Variants in ADCY8 observed in about 807,000 individuals in gnomAD.
The protein encoded by ADCY8 is adenylate cyclase type 8.
In ADCY8, 51 loss-of-function variants were observed where a neutral mutation model predicts 119.7. That is an observed-to-expected ratio of 0.43 (90% CI 0.34 to 0.54). The LOEUF (loss-of-function observed/expected upper bound fraction) is 0.54, where lower values mean the gene tolerates loss of function less well. ADCY8 is among the 20% of genes least tolerant of loss of function. The pLI, the probability that ADCY8 is intolerant of heterozygous loss-of-function variation, is 0.03. For synonymous variants in ADCY8, 665 were observed against 651.0 expected, an observed-to-expected ratio of 1.02 and a Z score of -0.33; for missense variants, 1,383 against 1,598.8, an observed-to-expected ratio of 0.87 and a Z score of 2.30.
At position 130,999,013 on chromosome 8, in the gene ADCY8, G is replaced by A. The variant is rs931212180; in HGVS notation, c.961-8471C>T. Among the ~76,000 whole-genome samples the A allele has an allele frequency of 3.9e-5, 6 of 152,276 alleles. No individual in the cohort carries two copies. In the South Asian group the frequency reaches 1.0e-3, roughly 26 times the overall value. On this transcript the variant is annotated intron_variant, in intron 1 of 17. Coordinates refer to ENST00000286355, the MANE Select transcript of ADCY8 (RefSeq NM_001115.3). ...TGGCATGAAGAAATCTCTGAGTCATGTCAATGACCTGATGATCACGTATAA... is the reference window on the plus strand; with the variant it reads ...TGGCATGAAGAAATCTCTGAGTCATATCAATGACCTGATGATCACGTATAA...
At chr8:131,006,010 C>G (rs187743302) in intron 1 of ADCY8, among the ~76,000 whole-genome samples, 93 of 152,204 alleles carry the variant, frequency 6.1e-4, no homozygotes, top group African/African-American at 2.1e-3. Flanking sequence ...CCTGCTCCCA[C>G]TCCAAATTCT....
chr8:130,964,549 A>G (rs531666363), intron 2 of ADCY8, among the ~76,000 whole-genome samples: 17 of 152,370 alleles, frequency 1.1e-4, no homozygotes, highest in Non-Finnish European at 1.3e-4. Flanking sequence ...AGCAGCTAAA[A>G]CAATGACACT....
At chr8:130,868,086 A>G in intron 8 of ADCY8, 140 bp from the exon 9 acceptor site, 1 of 569,202 alleles carries the variant, frequency 1.8e-6, no homozygotes, top group Non-Finnish European at 3.0e-6. Context: ...ACCTTCACAG[A>G]GCATTATCCC....
intron 5 of ADCY8, among the ~76,000 whole-genome samples, chr8:130,924,759 G>A (rs1385007947): frequency 1.3e-5 from 2 of 152,084 alleles, no homozygotes; most frequent in Non-Finnish European, 2.9e-5. Flanking sequence ...TCTCATTGTT[G>A]CTCTAAACTA....
At chr8:130,835,527 C>T (rs1289378506) in intron 12 of ADCY8, among the ~76,000 whole-genome samples, 2 of 152,192 alleles carry the variant, frequency 1.3e-5, no homozygotes, top group African/African-American at 2.4e-5. Context: ...CTTTCACTGC[C>T]TTGGGGTTTC....
intron 4 of ADCY8, among the ~76,000 whole-genome samples, chr8:130,941,531 C>T (rs1309816627): frequency 6.6e-6 from 1 of 152,084 alleles, no homozygotes; most frequent in Non-Finnish European, 1.5e-5. Flanking sequence ...CTATGTGTAA[C>T]TGATACCAAC....
intron 1 of ADCY8, among the ~76,000 whole-genome samples, chr8:131,013,844 A>AT (rs1238852227): frequency 6.6e-6 from 1 of 152,124 alleles, no homozygotes; most frequent in African/African-American, 2.4e-5. Context: ...AAGTTGGAAC[A>AT]TTTTCCCAAG....
At chr8:130,984,911 T>G (rs892865433) in intron 2 of ADCY8, among the ~76,000 whole-genome samples, 82 of 152,122 alleles carry the variant, frequency 5.4e-4, no homozygotes, top group African/African-American at 1.9e-3. Context: ...ATGTTAGAGA[T>G]GCTGATGTGG....
At chr8:130,781,106 T>G (rs1815066235) in intron 17 of ADCY8, among the ~76,000 whole-genome samples, 1 of 152,156 alleles carries the variant, frequency 6.6e-6, no homozygotes, top group Admixed American at 6.5e-5. Flanking sequence ...AAGGCAGATT[T>G]AATGAGATAA....
chr8:130,870,255 G>T (rs370316114), intron 8 of ADCY8, among the ~76,000 whole-genome samples: 1 of 151,356 alleles, frequency 6.6e-6, no homozygotes, highest in African/African-American at 2.4e-5. Flanking sequence ...CTTGTGATCC[G>T]CCCACCTCGG....
chr8:131,027,484 G>A (rs1217218251), intron 1 of ADCY8, among the ~76,000 whole-genome samples: 1 of 152,226 alleles, frequency 6.6e-6, no homozygotes, highest in Non-Finnish European at 1.5e-5. Context: ...GGGTGGTTCA[G>A]CGGAGCATGG....
At position 131,040,376 on chromosome 8, in the gene ADCY8, C is replaced by G; in HGVS notation, c.-43G>C. The G allele has an allele frequency of 2.8e-6, 4 of 1,446,984 alleles. No individual in the cohort carries two copies. The South Asian group carries it at 4.7e-5, about 17-fold the overall frequency. The allele number at this position is 1,446,984 out of a possible 1,614,324, so 89.6% of individuals were successfully genotyped here. A position where few individuals can be genotyped will look rare whatever the true frequency, so the allele number is the denominator to read the frequency against. ...AAGGAGGCCCAGAACCTTGGGGAGG[C>G]AGCCGGAGGAGGGGTTCCTAAAGAC... On this transcript the variant is annotated 5_prime_UTR_variant, in exon 1 of 18. Coordinates refer to ENST00000286355, the MANE Select transcript of ADCY8 (RefSeq NM_001115.3).
At chr8:130,990,662 A>G in intron 1 of ADCY8, 120 bp from the exon 2 acceptor site, 2 of 1,298,714 alleles carry the variant, frequency 1.5e-6, no homozygotes, top group South Asian at 2.9e-5. Context: ...CATATGTTTA[A>G]TCGCATGTTT....
chr8:130,891,471 A>G (rs2130484729), intron 7 of ADCY8, among the ~76,000 whole-genome samples: 1 of 152,322 alleles, frequency 6.6e-6, no homozygotes, highest in African/African-American at 2.4e-5. Context: ...GTGATATGAT[A>G]TACGAATATG....
At chr8:130,934,380 A>T (rs1463054872) in intron 5 of ADCY8, among the ~76,000 whole-genome samples, 5 of 151,534 alleles carry the variant, frequency 3.3e-5, no homozygotes, top group Non-Finnish European at 5.9e-5. Flanking sequence ...AAGAGAGCAA[A>T]GAAGGAGGTG....
chr8:130,905,679 C>G (rs1819760334), intron 6 of ADCY8, among the ~76,000 whole-genome samples: 1 of 152,036 alleles, frequency 6.6e-6, no homozygotes, highest in Non-Finnish European at 1.5e-5. Context: ...GGCAACATGA[C>G]AAAACACCAT....
Position 130,894,620 on chromosome 8 carries a change from C to G in ADCY8, c.1911+9152G>C, listed in dbSNP as rs372088010. On this transcript the variant is annotated intron_variant, in intron 7 of 17. Transcript: ENST00000286355. ...GGGAATCCTTGAGATAGAAGAGGAC[C>G]TTGCAAAAACTTCCATCCATACTGT... Among the ~76,000 whole-genome samples, 28 of 152,182 alleles carry G rather than the reference C, an allele frequency of 1.8e-4. No individual in the cohort carries two copies. In the South Asian group the frequency reaches 5.8e-3, roughly 32 times the overall value.
At chr8:130,924,246 G>A (rs1820396388) in intron 5 of ADCY8, among the ~76,000 whole-genome samples, 2 of 152,184 alleles carry the variant, frequency 1.3e-5, no homozygotes, top group Non-Finnish European at 2.9e-5. Context: ...AGCCATAACT[G>A]AAGCATACCC....
At chr8:130,981,890 G>A (rs1563754560) in intron 2 of ADCY8, among the ~76,000 whole-genome samples, 1 of 152,198 alleles carries the variant, frequency 6.6e-6, no homozygotes, top group Admixed American at 6.5e-5. Flanking sequence ...GTCAGCCAAT[G>A]GGTCAGATGC....
Sources: gnomAD v4.1 joint callset for allele counts (sites outside exome capture counted in the v4.1 genomes callset) on GRCh38, gnomAD v4.1.1 for gene constraint, MANE v1.5 for transcripts, NCBI Gene and HGNC (gene_info 2026-07-23, HGNC 2026-07-21) for gene names.